The following OR9Q1 variants were observed in gnomAD, a reference collection of about 807,000 sequenced individuals.
OR9Q1 encodes olfactory receptor 9Q1.
For missense variants in OR9Q1, 374 were observed against 378.8 expected (o/e 0.99, Z 0.11); for synonymous variants, 153 against 148.6 (o/e 1.03, Z -0.22).
chr11:58,132,703 C>T (rs1350258130), intron 2 of OR9Q1, among the ~76,000 whole-genome samples: 1 of 152,168 alleles, frequency 6.6e-6, no homozygotes, highest in Non-Finnish European at 1.5e-5. Context: ...TCTCCCTCAT[C>T]CCCAGGGTGA....
chr11:58,034,335 C>T (rs976742842), intron 1 of OR9Q1, among the ~76,000 whole-genome samples: 2 of 152,006 alleles, frequency 1.3e-5, no homozygotes, highest in African/African-American at 4.8e-5. Context: ...GATCTGCCCA[C>T]CTCGGCCTCC....
chr11:58,121,735 C>T (rs1170558941), intron 2 of OR9Q1, among the ~76,000 whole-genome samples: 1 of 152,166 alleles, frequency 6.6e-6, no homozygotes, highest in Non-Finnish European at 1.5e-5. Flanking sequence ...CCTTGTAGCA[C>T]AACTGGGAAT....
intron 1 of OR9Q1, among the ~76,000 whole-genome samples, chr11:58,034,074 CTTTTTTTTTTTTT>C (rs61109050): frequency 4.9e-5 from 3 of 61,148 alleles, no homozygotes; most frequent in East Asian, 1.5e-3. Context: ...TCAGCACTTG[CTTTTTTTTTTTTT>C]TTTTTTTTTT....
chr11:58,026,011 T>C (rs1267867882), intron 1 of OR9Q1, among the ~76,000 whole-genome samples: 1 of 152,226 alleles, frequency 6.6e-6, no homozygotes, highest in Non-Finnish European at 1.5e-5. Flanking sequence ...CTGTCCTGTC[T>C]TCCTTGTATG....
chr11:58,034,779 C>T (rs148414732), intron 1 of OR9Q1, among the ~76,000 whole-genome samples: 711 of 15,270 alleles, frequency 0.047, 10 homozygotes, highest in Middle Eastern at 0.15. Context: ...TCTTCCTTCC[C>T]TCCCTCCTTT....
At chr11:58,058,404 T>G (rs1853347212) in intron 2 of OR9Q1, among the ~76,000 whole-genome samples, 1 of 152,104 alleles carries the variant, frequency 6.6e-6, no homozygotes, top group African/African-American at 2.4e-5. Flanking sequence ...TCCCACAGCT[T>G]CCTCATCAGA....
chr11:58,034,767 C>CTTCCTTCCTTCCTTCT (rs1179232796), intron 1 of OR9Q1, among the ~76,000 whole-genome samples: 3 of 117,814 alleles, frequency 2.5e-5, no homozygotes, highest in African/African-American at 9.1e-5. Flanking sequence ...TCCTTCCTTC[C>CTTCCTTCCTTCCTTCT]TTCTTCCTTC....
In OR9Q1 at chr11:58,059,687, C is replaced by CAAAAAA. The variant is rs58893511; in HGVS notation, c.-15+3764_-15+3769dup. Among the ~76,000 whole-genome samples, 50 of 40,198 alleles carry CAAAAAA rather than the reference C, an allele frequency of 1.2e-3. 1 individual carries two copies. Among genetic ancestry groups the CAAAAAA allele is most frequent in the Middle Eastern group, 0.071 (1 of 14 alleles). 26.4% of individuals were successfully genotyped at this position (40,198 alleles called of 152,430 possible). A position where few individuals can be genotyped will look rare whatever the true frequency, so the allele number is the denominator to read the frequency against. ...TGGGTGACTGAGTGAGGCTCTGTCT[C>CAAAAAA]AAAAAAAAAAAAAAAAAAAAAAAAA... On this transcript the variant is annotated intron_variant, in intron 2 of 2. Transcript: ENST00000335397.
intron 2 of OR9Q1, among the ~76,000 whole-genome samples, chr11:58,149,627 C>T (rs1019963645): frequency 1.3e-5 from 2 of 152,126 alleles, no homozygotes; most frequent in African/African-American, 4.8e-5. Context: ...TTCTCTCTGC[C>T]CCCCTGCCAC....
intron 2 of OR9Q1, among the ~76,000 whole-genome samples, chr11:58,135,549 G>T (rs1854181724): frequency 6.6e-6 from 1 of 152,084 alleles, no homozygotes; most frequent in Non-Finnish European, 1.5e-5. Flanking sequence ...GATTTTAGTG[G>T]CAGAGAGAGA....
chr11:58,080,420 C>T (rs1590576948), intron 2 of OR9Q1, among the ~76,000 whole-genome samples: 1 of 152,062 alleles, frequency 6.6e-6, no homozygotes, highest in African/African-American at 2.4e-5. Context: ...GATTTCCTGT[C>T]TTTGTATTGT....
chr11:58,157,866 G>C (rs1470339958), intron 2 of OR9Q1, among the ~76,000 whole-genome samples: 1 of 152,148 alleles, frequency 6.6e-6, no homozygotes, highest in Non-Finnish European at 1.5e-5. Flanking sequence ...ATGCTTTTCT[G>C]AGCACTTCAG....
In OR9Q1 at chr11:58,096,150, CTTTT is replaced by C. The variant is rs200291818; in HGVS notation, c.-15+40214_-15+40217del. On this transcript the variant is annotated intron_variant, in intron 2 of 2. Coordinates refer to ENST00000335397, the MANE Select transcript of OR9Q1 (RefSeq NM_001005212.4). ...TTTCTCTCTCTCTCTCTTCCTTTCC[CTTTT>C]TTTTTTTTTTCAGGAGAACCAACTA... Among the ~76,000 whole-genome samples, 8 of 136,518 alleles carry C rather than the reference CTTTT, an allele frequency of 5.9e-5. No individual in the cohort carries two copies. The South Asian group carries it at 1.9e-3, about 32-fold the overall frequency. The allele number at this position is 136,518 out of a possible 152,430, so 89.6% of individuals were successfully genotyped here. A position where few individuals can be genotyped will look rare whatever the true frequency, so the allele number is the denominator to read the frequency against.
chr11:58,105,703 C>A (rs920819293), intron 2 of OR9Q1, among the ~76,000 whole-genome samples: 3 of 152,092 alleles, frequency 2.0e-5, no homozygotes, highest in African/African-American at 7.2e-5. Flanking sequence ...TATTTTAGAT[C>A]CCTCATAAAA....
At chr11:58,120,601 A>G (rs1365024567) in intron 2 of OR9Q1, among the ~76,000 whole-genome samples, 1 of 151,804 alleles carries the variant, frequency 6.6e-6, no homozygotes, top group Non-Finnish European at 1.5e-5. Context: ...TTAAGTATTA[A>G]TAAGTTAATA....
chr11:58,094,740 A>T (rs1018731879), intron 2 of OR9Q1, among the ~76,000 whole-genome samples: 1 of 152,252 alleles, frequency 6.6e-6, no homozygotes, highest in Non-Finnish European at 1.5e-5. Flanking sequence ...GAACACAAAA[A>T]ATTGAAATTA....
At chr11:58,080,256 T>G (rs1473693168) in intron 2 of OR9Q1, among the ~76,000 whole-genome samples, 3 of 152,188 alleles carry the variant, frequency 2.0e-5, no homozygotes, top group Non-Finnish European at 4.4e-5. Context: ...AGTTTTTTGT[T>G]CCTGTGTTAA....
intron 2 of OR9Q1, among the ~76,000 whole-genome samples, chr11:58,076,106 A>G (rs1313970752): frequency 2.0e-5 from 3 of 152,248 alleles, no homozygotes; most frequent in African/African-American, 7.2e-5. Flanking sequence ...AAAGCCTAAA[A>G]TGTTTACTCT....
intron 2 of OR9Q1, among the ~76,000 whole-genome samples, chr11:58,116,105 T>C (rs1853951816): frequency 6.6e-6 from 1 of 152,194 alleles, no homozygotes; most frequent in Non-Finnish European, 1.5e-5. Context: ...CCAGGGCCCA[T>C]AGGGTGGATT....
Sources: allele counts gnomAD v4.1 joint callset (sites outside exome capture counted in the v4.1 genomes callset), GRCh38; gene constraint gnomAD v4.1.1; transcripts MANE v1.5; gene names NCBI Gene and HGNC (gene_info 2026-07-23, HGNC 2026-07-21).